PITPNC1: variants seen among roughly 807,000 people sequenced by gnomAD.
The protein encoded by PITPNC1 is cytoplasmic phosphatidylinositol transfer protein 1.
A neutral mutation model predicts 44.7 loss-of-function variants in PITPNC1; 18 were observed. The ratio of observed to expected loss-of-function variants is 0.40; its 90% CI spans 0.28 to 0.60. The LOEUF is 0.60. Ranked by LOEUF, PITPNC1 falls within the 20% of genes least tolerant of loss-of-function variation. The probability of loss-of-function intolerance (pLI) is 0.39; values close to 1 mark genes in which losing one functional copy is unlikely to be tolerated. For missense variants in PITPNC1, 290 were observed against 418.4 expected (o/e 0.69, Z 2.68); for synonymous variants, 141 against 149.6 (o/e 0.94, Z 0.42).
At chr17:67,658,402 C>G (rs1010933250) in intron 6 of PITPNC1, among the ~76,000 whole-genome samples, 9 of 152,216 alleles carry the variant, frequency 5.9e-5, no homozygotes, top group Non-Finnish European at 1.2e-4. Context: ...TGCATACTCA[C>G]AAACCAATCA....
chr17:67,410,880 C>A (rs1193332636), intron 1 of PITPNC1, among the ~76,000 whole-genome samples: 1 of 151,842 alleles, frequency 6.6e-6, no homozygotes, highest in East Asian at 2.0e-4. Context: ...GTCAGGAGTT[C>A]AAGACCAGCC....
chr17:67,609,928 G>GT, intron 5 of PITPNC1, among the ~76,000 whole-genome samples: 1 of 152,180 alleles, frequency 6.6e-6, no homozygotes, highest in South Asian at 2.1e-4. Flanking sequence ...TAGTTAAGGT[G>GT]TTTATTTCTT....
In PITPNC1 at chr17:67,651,618, T is replaced by C. The variant is rs78016377; in HGVS notation, c.463-17890T>C. 2.8e-3 allele frequency among the ~76,000 whole-genome samples: 419 copies of C among 152,340 alleles called. 2 individuals are homozygous for C. Among genetic ancestry groups the C allele is most frequent in the African/African-American group, 9.6e-3 (398 of 41,572 alleles). The stretch of plus-strand genomic sequence containing the variant: ...GTGGATTTTACTATAATCACATGTT[T>C]ACCTCACCACAATCAAATGTAAAAC... On this transcript the variant is annotated intron_variant, in intron 6 of 8. Transcript: ENST00000581322.
rs201927400 is a variant in PITPNC1, at chr17:67,430,957, AAAACC to A, written c.48+52762_48+52766del. On this transcript the variant is annotated intron_variant, in intron 1 of 8. Coordinates refer to ENST00000581322, the MANE Select transcript of PITPNC1 (RefSeq NM_012417.4). Reference sequence around the variant, plus strand: ...AAGCAAGACCCCATCTCTTAAAAACAAAACCAAACCACACAACAACTTGGAATGTT... The same window carrying A: ...AAGCAAGACCCCATCTCTTAAAAACAAAACCACACAACAACTTGGAATGTT... Among the ~76,000 whole-genome samples the A allele has an allele frequency of 9.6e-3, 1,463 of 152,236 alleles. 23 individuals carry two copies. Among genetic ancestry groups the A allele is most frequent in the Non-Finnish European group, 0.014 (921 of 68,012 alleles).
At chr17:67,413,106 C>G (rs977288929) in intron 1 of PITPNC1, among the ~76,000 whole-genome samples, 5 of 152,120 alleles carry the variant, frequency 3.3e-5, no homozygotes, top group Admixed American at 3.3e-4. Flanking sequence ...TGATATGAAA[C>G]CAAATTGGAG....
At chr17:67,434,638 C>T (rs2038905739) in intron 1 of PITPNC1, among the ~76,000 whole-genome samples, 1 of 151,648 alleles carries the variant, frequency 6.6e-6, no homozygotes, top group Admixed American at 6.6e-5. Context: ...TGGCAAAACC[C>T]CGTCTGTACT....
rs539418281 is a variant in PITPNC1, at chr17:67,458,104, G to A, written c.49-74698G>A. Among the ~76,000 whole-genome samples the A allele has an allele frequency of 4.6e-5, 7 of 152,202 alleles. No homozygotes were observed. In the East Asian group the frequency reaches 5.8e-4, roughly 13 times the overall value. Reference sequence around the variant, plus strand: ...TGTGACCAAACTTTCTTACATCTGCGTCTCACTCTGAGTCTCTTCCTACCC... The same window carrying A: ...TGTGACCAAACTTTCTTACATCTGCATCTCACTCTGAGTCTCTTCCTACCC... On this transcript the variant is annotated intron_variant, in intron 1 of 8. Transcript: ENST00000581322.
intron 1 of PITPNC1, among the ~76,000 whole-genome samples, chr17:67,501,095 G>A (rs1338557547): frequency 6.6e-6 from 1 of 151,816 alleles, no homozygotes; most frequent in Non-Finnish European, 1.5e-5. Context: ...ATTTATTGTC[G>A]CTGTGTAAAC....
intron 8 of PITPNC1, among the ~76,000 whole-genome samples, chr17:67,682,779 A>C (rs997510265): frequency 6.6e-6 from 1 of 152,240 alleles, no homozygotes; most frequent in Non-Finnish European, 1.5e-5. Context: ...TTATTTAGGA[A>C]GAGTAAATTA....
intron 1 of PITPNC1, among the ~76,000 whole-genome samples, chr17:67,384,426 C>CT (rs2038009797): frequency 9.5e-6 from 1 of 105,282 alleles, no homozygotes; most frequent in Non-Finnish European, 2.5e-5. Context: ...GTTCCTTGTT[C>CT]TCTTTTTTTT....
intron 7 of PITPNC1, among the ~76,000 whole-genome samples, chr17:67,669,889 T>G (rs568645833): frequency 6.6e-6 from 1 of 152,136 alleles, no homozygotes; most frequent in African/African-American, 2.4e-5. Flanking sequence ...CTGGCCAACA[T>G]GGTGAAACCC....
Position 67,572,474 on chromosome 17 carries a change from G to GC in PITPNC1, c.295-5712_295-5711insC, listed in dbSNP as rs1175151463. On this transcript the variant is annotated intron_variant, in intron 4 of 8. Transcript: ENST00000581322. Reference sequence around the variant, plus strand: ...CTGAAGAAGCTGGGTAAAGCGGGGGGGGGGGGTAAAGAAGAAGGGGGGTGA... The same window carrying GC: ...CTGAAGAAGCTGGGTAAAGCGGGGGGCGGGGGGTAAAGAAGAAGGGGGGTGA... Among the ~76,000 whole-genome samples the GC allele has an allele frequency of 1.7e-5, 2 of 116,484 alleles. 1 individual carries two copies. Among genetic ancestry groups the GC allele is most frequent in the Non-Finnish European group, 3.5e-5 (2 of 56,938 alleles). 76.4% of individuals were successfully genotyped at this position (116,484 alleles called of 152,430 possible).
Position 67,411,075 on chromosome 17 carries a change from C to A in PITPNC1, c.48+32873C>A, listed in dbSNP as rs540517675. ...CCAGCCTGGGTGACAGAGTGAGACT[C>A]CCATCTCAAAAAAAAAAAAAAAATA... On this transcript the variant is annotated intron_variant, in intron 1 of 8. Coordinates refer to ENST00000581322, the MANE Select transcript of PITPNC1 (RefSeq NM_012417.4). Among the ~76,000 whole-genome samples the A allele has an allele frequency of 6.8e-3, 650 of 95,952 alleles. 5 individuals are homozygous for A. Among genetic ancestry groups the A allele is most frequent in the African/African-American group, 0.02 (427 of 21,360 alleles). The allele number at this position is 95,952 out of a possible 152,430, so 62.9% of individuals were successfully genotyped here.
intron 1 of PITPNC1, among the ~76,000 whole-genome samples, chr17:67,470,417 C>T (rs2039502821): frequency 6.6e-6 from 1 of 152,274 alleles, no homozygotes; most frequent in Non-Finnish European, 1.5e-5. Flanking sequence ...TTCCCCACTC[C>T]TGTTCCTAAC....
chr17:67,608,966 A>T (rs1477834208), intron 5 of PITPNC1, among the ~76,000 whole-genome samples: 1 of 151,962 alleles, frequency 6.6e-6, no homozygotes, highest in Non-Finnish European at 1.5e-5. Flanking sequence ...GTCATTGTGG[A>T]CTTTCAGAAT....
Position 67,583,903 on chromosome 17 carries a change from GTGTGTGTGTT to G in PITPNC1, c.366+5652_366+5661del, listed in dbSNP as rs1245521175. On this transcript the variant is annotated intron_variant, in intron 5 of 8. Coordinates refer to ENST00000581322, the MANE Select transcript of PITPNC1 (RefSeq NM_012417.4). ...TGTGTGTGTGTGTGTGTGTTTGTGT[GTGTGTGTGTT>G]TGTGTTTAGTAGAGATGGAGTGTCA... Among the ~76,000 whole-genome samples the G allele has an allele frequency of 9.7e-4, 141 of 145,396 alleles. 2 individuals are homozygous for G. Among genetic ancestry groups the G allele is most frequent in the African/African-American group, 2.5e-3 (97 of 38,402 alleles).
intron 1 of PITPNC1, among the ~76,000 whole-genome samples, chr17:67,460,740 CT>C (rs138545288): frequency 0.088 from 10,670 of 120,628 alleles, 244 homozygotes; most frequent in East Asian, 0.14. Context: ...TTCTTTCTTT[CT>C]TTTTTTTTTT....
intron 1 of PITPNC1, among the ~76,000 whole-genome samples, chr17:67,403,915 G>T (rs2038359518): frequency 6.6e-6 from 1 of 152,134 alleles, no homozygotes; most frequent in South Asian, 2.1e-4. Context: ...CCAGCTACTT[G>T]GGAGGCTGAG....
At chr17:67,493,559 G>A (rs2039890564) in intron 1 of PITPNC1, among the ~76,000 whole-genome samples, 1 of 152,160 alleles carries the variant, frequency 6.6e-6, no homozygotes, top group Non-Finnish European at 1.5e-5. Flanking sequence ...CTGGTACAGC[G>A]GATAAGACTA....
Sources: gnomAD v4.1 joint callset for allele counts (sites outside exome capture counted in the v4.1 genomes callset) on GRCh38, gnomAD v4.1.1 for gene constraint, MANE v1.5 for transcripts, NCBI Gene and HGNC (gene_info 2026-07-23, HGNC 2026-07-21) for gene names.